MSS51: variants seen among roughly 807,000 people sequenced by gnomAD.
MSS51 encodes the protein MSS51 mitochondrial translational activator.
In MSS51, 32 loss-of-function variants were observed where a neutral mutation model predicts 40.2. The observed-to-expected ratio is 0.80, with a 90% CI of 0.60 to 1.07. MSS51 has a LOEUF of 1.07. MSS51 is among the 50% of genes least tolerant of loss of function. The pLI, the probability that MSS51 is intolerant of heterozygous loss-of-function variation, is 0.00. For missense variants in MSS51, 518 were observed against 568.9 expected (o/e 0.91, Z 0.91); for synonymous variants, 178 against 214.2 (o/e 0.83, Z 1.48).
chr10:73,428,121 G>A lies in MSS51; in HGVS notation c.164C>T (p.Pro55Leu). 6.2e-7 allele frequency: 1 copy of A among 1,614,092 alleles called. No individual in the cohort carries two copies. The highest frequency in any genetic ancestry group is 1.1e-5 in the South Asian group (1 of 91,070). The change falls in exon 2 of 7, where the codon CCT (proline) becomes CTT (leucine). Residue 55 changes from proline (P) to leucine (L), a missense_variant. Transcript: ENST00000299432. Reference sequence around the variant, plus strand: ...TTGAAGGATCAGCTGCGATAGGCCAGGAACATTATCATCCAAGGAGAAGAA... The same window carrying A: ...TTGAAGGATCAGCTGCGATAGGCCAAGAACATTATCATCCAAGGAGAAGAA... ...LGFFSLDDNV[P>L]GLSQLILQKL... is the part of the protein sequence containing the mutation.
intron 3 of MSS51, 64 bp downstream of exon 3, chr10:73,427,549 T>C: frequency 6.7e-7 from 1 of 1,488,294 alleles, no homozygotes; most frequent in South Asian, 1.3e-5. Context: ...CAGGCATGAG[T>C]CATCATGCCC....
chr10:73,427,953 ATC>A lies in MSS51; in HGVS notation c.221+109_221+110del, dbSNP rs2056001671. On this transcript the variant is annotated intron_variant, in intron 2 of 6. Transcript: ENST00000299432. Reference sequence around the variant, plus strand: ...TAGTAACTGGCAAAAGGATGAGAAAATCTCTTATTGCAAATACTCCATATTCA... The same window carrying A: ...TAGTAACTGGCAAAAGGATGAGAAAATCTTATTGCAAATACTCCATATTCA... The A allele has an allele frequency of 1.5e-5, 18 of 1,219,456 alleles. 1 individual carries two copies. In the South Asian group the frequency reaches 2.6e-4, roughly 17 times the overall value. The allele number at this position is 1,219,456 out of a possible 1,614,324, so 75.5% of individuals were successfully genotyped here.
At position 73,426,045 on chromosome 10, in the gene MSS51, G is replaced by A. The variant is rs527701706; in HGVS notation, c.835C>T (p.Arg279Cys). 45 of 1,614,184 alleles carry A rather than the reference G, an allele frequency of 2.8e-5. No homozygotes were observed. Among genetic ancestry groups the A allele is most frequent in the Admixed American group, 8.3e-5 (5 of 60,026 alleles). The change falls in exon 5 of 7, where the codon CGC becomes TGC. Residue 279 changes from arginine to cysteine, a missense_variant. Coordinates refer to ENST00000299432, the MANE Select transcript of MSS51 (RefSeq NM_001024593.2). Reference protein sequence around the residue: ...GASHVETFLTRPGDYDELGYM... With the variant: ...GASHVETFLTCPGDYDELGYM... ...CCAAGCTCATCATAGTCCCCTGGGCGAGTAAGAAATGTCTCCACATGGGAA... is the reference window on the plus strand; with the variant it reads ...CCAAGCTCATCATAGTCCCCTGGGCAAGTAAGAAATGTCTCCACATGGGAA...
At chr10:73,425,535 G>A (rs1018926125) in intron 5 of MSS51, among the ~76,000 whole-genome samples, 9 of 151,778 alleles carry the variant, frequency 5.9e-5, no homozygotes, top group Admixed American at 2.0e-4. Flanking sequence ...TTAGCCAGGC[G>A]CCTGTAGTCC....
intron 5 of MSS51, 104 bp from the exon 6 acceptor site, chr10:73,425,295 C>T: frequency 1.5e-6 from 1 of 683,186 alleles, no homozygotes; most frequent in African/African-American, 1.8e-5. Flanking sequence ...CTTGCTTATC[C>T]CCAGTCATTA....
chr10:73,429,439 G>GTTTA (rs1399942424), intron 1 of MSS51, among the ~76,000 whole-genome samples: 6 of 152,194 alleles, frequency 3.9e-5, no homozygotes, highest in South Asian at 2.1e-4. Flanking sequence ...GAGTTAGACA[G>GTTTA]TTTAATATAG....
intron 5 of MSS51, among the ~76,000 whole-genome samples, 193 bp downstream of exon 5, chr10:73,425,618 C>T (rs552375844): frequency 1.1e-3 from 164 of 148,324 alleles, no homozygotes; most frequent in African/African-American, 2.1e-3. Flanking sequence ...GCCGAGATCG[C>T]GCCACTGCAC....
intron 1 of MSS51, among the ~76,000 whole-genome samples, chr10:73,430,426 A>T (rs2056019519): frequency 6.6e-6 from 1 of 152,194 alleles, no homozygotes. Flanking sequence ...AAACAAAAAA[A>T]CCACCAAACA....
intron 2 of MSS51, 24 bp downstream of exon 2, chr10:73,428,040 T>A: frequency 6.2e-7 from 1 of 1,605,664 alleles, no homozygotes; most frequent in South Asian, 1.1e-5. Context: ...AATATATCCC[T>A]TTTCCATAGA....
intron 1 of MSS51, among the ~76,000 whole-genome samples, chr10:73,430,187 T>C (rs79313251): frequency 0.047 from 7,082 of 152,112 alleles, 504 homozygotes; most frequent in African/African-American, 0.15. Flanking sequence ...GTTCATGACA[T>C]AGGTTTGGCA....
At chr10:73,429,724 A>T (rs1476455840) in intron 1 of MSS51, 1 of 455,072 alleles carries the variant, frequency 2.2e-6, no homozygotes, top group Non-Finnish European at 4.4e-6. Context: ...AGAAAAATTA[A>T]AATGTCCATT....
In MSS51 at chr10:73,424,770, T is replaced by A; in HGVS notation, c.1166A>T (p.His389Leu). ...KIPTLITVYS[H>L]QELVSSLQIL... is the part of the protein sequence containing the mutation. The stretch of plus-strand genomic sequence containing the variant: ...CTGCAAAGAGGATACCAACTCCTGA[T>A]GGCTGTAGAAGAGAGAGAAGAAAAA... Residue 389 changes from histidine to leucine, a missense_variant and splice_region_variant, in exon 7 of 7, where the codon CAT (histidine) becomes CTT (leucine). Physicochemically the swap from His to Leu is moderately conservative, Grantham distance 99. Coordinates refer to ENST00000299432, the MANE Select transcript of MSS51 (RefSeq NM_001024593.2). The A allele has an allele frequency of 6.2e-7, 1 of 1,612,142 alleles. No individual in the cohort carries two copies. The highest frequency in any genetic ancestry group is 8.5e-7 in the Non-Finnish European group (1 of 1,178,138).
At chr10:73,432,393 G>A (rs1239335888) in intron 1 of MSS51, among the ~76,000 whole-genome samples, 2 of 151,972 alleles carry the variant, frequency 1.3e-5, no homozygotes, top group Non-Finnish European at 2.9e-5. Flanking sequence ...AAATAGGTAT[G>A]GAAGGAAAGT....
chr10:73,431,373 A>G (rs1262802406), intron 1 of MSS51, among the ~76,000 whole-genome samples: 1 of 152,212 alleles, frequency 6.6e-6, no homozygotes, highest in African/African-American at 2.4e-5. Flanking sequence ...GATTGTCTTC[A>G]GGTACAGAGA....
At position 73,426,195 on chromosome 10, in the gene MSS51, G is replaced by T; in HGVS notation, c.685C>A (p.Gln229Lys). The change falls in exon 5 of 7, where the codon CAG becomes AAG. Residue 229 changes from glutamine to lysine, a missense_variant. Physicochemically the swap from Gln to Lys is moderately conservative, Grantham distance 53. Transcript: ENST00000299432. ...GRPRPDPDVL[Q>K]GSLKRLLTDV... is the part of the protein sequence containing the mutation. ...GTCAGCAGCCGCTTCAAAGATCCCT[G>T]CAGGACATCCGGGTCTGGCCTTGGC... 6.2e-7 allele frequency: 1 copy of T among 1,614,220 alleles called. No homozygotes were observed. Among genetic ancestry groups the T allele is most frequent in the Middle Eastern group, 1.6e-4 (1 of 6,062 alleles).
chr10:73,432,040 T>G (rs1451781701), intron 1 of MSS51, among the ~76,000 whole-genome samples: 2 of 151,368 alleles, frequency 1.3e-5, no homozygotes, highest in African/African-American at 4.8e-5. Flanking sequence ...TAACATTTTC[T>G]TTTTCTTTCT....
chr10:73,428,125 CATT>C lies in MSS51; in HGVS notation c.157_159del (p.Asn53del). On this transcript the variant is annotated inframe_deletion, in exon 2 of 7. Coordinates refer to ENST00000299432, the MANE Select transcript of MSS51 (RefSeq NM_001024593.2). ...AGGATCAGCTGCGATAGGCCAGGAA[CATT>C]ATCATCCAAGGAGAAGAAGCCAAGT... 1 of 1,614,074 alleles carries C rather than the reference CATT, an allele frequency of 6.2e-7. No homozygotes were observed. Among genetic ancestry groups the C allele is most frequent in the East Asian group, 2.2e-5 (1 of 44,864 alleles).
intron 1 of MSS51, among the ~76,000 whole-genome samples, chr10:73,433,232 C>G (rs1195249468): frequency 6.6e-6 from 1 of 152,042 alleles, no homozygotes; most frequent in Admixed American, 6.5e-5. Flanking sequence ...AAACTACAGT[C>G]ATATTTTCAC....
intron 1 of MSS51, chr10:73,429,479 A>G (rs2056012783): frequency 2.7e-6 from 1 of 374,470 alleles, no homozygotes; most frequent in Non-Finnish European, 5.3e-6. Context: ...TGAAAGACCT[A>G]TTATCACATG....
Sources: allele counts gnomAD v4.1 joint callset (sites outside exome capture counted in the v4.1 genomes callset), GRCh38; gene constraint gnomAD v4.1.1; transcripts MANE v1.5; gene names NCBI Gene and HGNC (gene_info 2026-07-23, HGNC 2026-07-21).